The following AKAP6 variants were observed in gnomAD, a reference collection of about 807,000 sequenced individuals.
AKAP6 encodes A-kinase anchor protein 6.
AKAP6 carries 58 observed loss-of-function variants against 188.5 expected under a neutral mutation model. The observed-to-expected ratio is 0.31, with a 90% CI of 0.25 to 0.38. The LOEUF (loss-of-function observed/expected upper bound fraction) is 0.38, where lower values mean the gene tolerates loss of function less well. AKAP6 is among the 10% of genes least tolerant of loss of function. The probability of loss-of-function intolerance (pLI) is 1.00; values close to 1 mark genes in which losing one functional copy is unlikely to be tolerated. For synonymous variants in AKAP6, 989 were observed against 998.6 expected (o/e 0.99, Z 0.18); for missense variants, 2,710 against 2,740.0 (o/e 0.99, Z 0.24).
chr14:32,342,133 T>G (rs1886909194), intron 1 of AKAP6, among the ~76,000 whole-genome samples: 1 of 152,216 alleles, frequency 6.6e-6, no homozygotes, highest in South Asian at 2.1e-4. Context: ...TGATGGCTTC[T>G]TCTATTTCCA....
intron 4 of AKAP6, among the ~76,000 whole-genome samples, chr14:32,548,419 T>TC (rs1555338966): frequency 0.027 from 4,072 of 151,872 alleles, 171 homozygotes; most frequent in African/African-American, 0.093. Flanking sequence ...TTTTTTTTTT[T>TC]ACTTGATCTT....
chr14:32,486,549 T>C (rs528040552), intron 2 of AKAP6, among the ~76,000 whole-genome samples: 20 of 152,354 alleles, frequency 1.3e-4, no homozygotes, highest in African/African-American at 4.8e-4. Flanking sequence ...GTAAGTTTTA[T>C]TTCTAGGTAT....
At chr14:32,446,092 T>C (rs1392401866) in intron 2 of AKAP6, among the ~76,000 whole-genome samples, 1 of 152,226 alleles carries the variant, frequency 6.6e-6, no homozygotes, top group Non-Finnish European at 1.5e-5. Context: ...TGTTGGTTGA[T>C]AACTTGATGT....
At position 32,701,438 on chromosome 14, in the gene AKAP6, A is replaced by G. The variant is rs1264718079; in HGVS notation, c.3000+5328A>G. On this transcript the variant is annotated intron_variant, in intron 9 of 13. Transcript: ENST00000280979. ...AAGAGATAATACTTCCTTTGAAGAA[A>G]TTTTGTTTTGATACTTAGATGTGAA... Among the ~76,000 whole-genome samples, 3 of 152,136 alleles carry G rather than the reference A, an allele frequency of 2.0e-5. No homozygotes were observed. In the East Asian group the frequency reaches 5.8e-4, roughly 29 times the overall value.
intron 2 of AKAP6, among the ~76,000 whole-genome samples, chr14:32,469,690 A>G (rs1170078131): frequency 7.1e-6 from 1 of 141,300 alleles, no homozygotes; most frequent in Non-Finnish European, 1.5e-5. Context: ...TTTTTTTGAG[A>G]TCTGATATTT....
At chr14:32,466,995 G>A (rs1566520627) in intron 2 of AKAP6, among the ~76,000 whole-genome samples, 1 of 150,970 alleles carries the variant, frequency 6.6e-6, no homozygotes. Flanking sequence ...GGTTGTATTT[G>A]AAAAGAGTAT....
At chr14:32,391,505 G>A (rs1888713835) in intron 1 of AKAP6, among the ~76,000 whole-genome samples, 3 of 152,170 alleles carry the variant, frequency 2.0e-5, no homozygotes, top group Non-Finnish European at 4.4e-5. Context: ...TTCCTTCAAA[G>A]CATATTCTTT....
intron 9 of AKAP6, among the ~76,000 whole-genome samples, chr14:32,732,099 A>G (rs11628548): frequency 0.17 from 25,819 of 151,912 alleles, 2,599 homozygotes; most frequent in Non-Finnish European, 0.24. Context: ...GGAAGAGATG[A>G]GAGGTGGACA....
chr14:32,513,441 G>T (rs1469883688), intron 2 of AKAP6, among the ~76,000 whole-genome samples: 9 of 152,166 alleles, frequency 5.9e-5, no homozygotes, highest in African/African-American at 9.7e-5. Context: ...AATGTTACCT[G>T]GCCACCTGAC....
intron 5 of AKAP6, among the ~76,000 whole-genome samples, chr14:32,589,917 G>A (rs766594375): frequency 6.6e-6 from 1 of 152,238 alleles, no homozygotes; most frequent in East Asian, 1.9e-4. Context: ...ATGAGCTGGG[G>A]TGTGGTCACC....
chr14:32,569,964 C>A (rs1884399814), intron 4 of AKAP6, among the ~76,000 whole-genome samples: 1 of 152,024 alleles, frequency 6.6e-6, no homozygotes, highest in Non-Finnish European at 1.5e-5. Flanking sequence ...TCCAGATCCA[C>A]TGGTCGGGTA....
chr14:32,746,117 G>A (rs1172731402), intron 11 of AKAP6, among the ~76,000 whole-genome samples: 1 of 152,122 alleles, frequency 6.6e-6, no homozygotes, highest in Non-Finnish European at 1.5e-5. Flanking sequence ...TAAGAGTCAA[G>A]TCCTGGAATT....
At chr14:32,562,125 A>G (rs978792971) in intron 4 of AKAP6, among the ~76,000 whole-genome samples, 4 of 152,018 alleles carry the variant, frequency 2.6e-5, no homozygotes, top group Non-Finnish European at 4.4e-5. Flanking sequence ...GGCTCAGTGC[A>G]TTGCTTTTTA....
rs985023160 is a variant in AKAP6, at chr14:32,433,741, G to A, written c.248G>A (p.Arg83Lys). 16 of 1,614,088 alleles carry A rather than the reference G, an allele frequency of 9.9e-6. No homozygotes were observed. The highest frequency in any genetic ancestry group is 1.0e-5 in the Non-Finnish European group (12 of 1,180,048). Residue 83 changes from arginine (R) to lysine (K), a missense_variant, in exon 2 of 14, where the codon AGG becomes AAG. Physicochemically the swap from Arg to Lys is conservative, Grantham distance 26. This residue lies in a region of AKAP6 where 237 missense variants were observed against 313.9 expected (regional missense o/e 0.76). Coordinates refer to ENST00000280979, the MANE Select transcript of AKAP6 (RefSeq NM_004274.5). ...IETWLRMTSE[R>K]VRDLTYSVQQ... ...ACCTGGCTCCGGATGACCTCAGAGAGGGTCCGAGACCTAACCTATTCAGTC... is the reference window on the plus strand; with the variant it reads ...ACCTGGCTCCGGATGACCTCAGAGAAGGTCCGAGACCTAACCTATTCAGTC...
At chr14:32,559,569 G>C (rs1258498105) in intron 4 of AKAP6, among the ~76,000 whole-genome samples, 1 of 152,122 alleles carries the variant, frequency 6.6e-6, no homozygotes, top group Non-Finnish European at 1.5e-5. Flanking sequence ...GTTTAAGAAG[G>C]TTAATCTGAC....
At chr14:32,656,208 T>C (rs927607280) in intron 7 of AKAP6, among the ~76,000 whole-genome samples, 1 of 152,090 alleles carries the variant, frequency 6.6e-6, no homozygotes, top group African/African-American at 2.4e-5. Flanking sequence ...ATATTAAACA[T>C]AAACATAAAT....
intron 2 of AKAP6, among the ~76,000 whole-genome samples, chr14:32,461,205 C>A (rs1891311463): frequency 6.6e-6 from 1 of 152,202 alleles, no homozygotes; most frequent in Admixed American, 6.5e-5. Context: ...GGGATTCTCC[C>A]AGCACAGCCC....
chr14:32,745,487 CT>C (rs1566682319), intron 11 of AKAP6, among the ~76,000 whole-genome samples: 19 of 117,412 alleles, frequency 1.6e-4, no homozygotes, highest in Non-Finnish European at 3.2e-4. Context: ...CTCTCTCTCT[CT>C]CTCTCTCTGT....
rs150107103 is a variant in AKAP6, at chr14:32,427,132, G to C, written c.-34-6328G>C. On this transcript the variant is annotated intron_variant, in intron 1 of 13. Coordinates refer to ENST00000280979, the MANE Select transcript of AKAP6 (RefSeq NM_004274.5). ...AATCTGTTTGGGCTCCCCTATTGACGTGCTGTTTCCCCCCTGGGGCACTTG... is the reference window on the plus strand; with the variant it reads ...AATCTGTTTGGGCTCCCCTATTGACCTGCTGTTTCCCCCCTGGGGCACTTG... Among the ~76,000 whole-genome samples the C allele has an allele frequency of 2.4e-4, 37 of 152,226 alleles. No homozygotes were observed. In the East Asian group the frequency reaches 5.2e-3, roughly 21 times the overall value.
Sources: allele counts gnomAD v4.1 joint callset (sites outside exome capture counted in the v4.1 genomes callset), GRCh38; gene constraint gnomAD v4.1.1; regional missense constraint gnomAD v4.1.1; transcripts MANE v1.5; gene names NCBI Gene and HGNC (gene_info 2026-07-23, HGNC 2026-07-21).